STK40: variants seen among roughly 807,000 people sequenced by gnomAD.
STK40 encodes the protein serine/threonine kinase 40.
A neutral mutation model predicts 47.9 loss-of-function variants in STK40; 13 were observed. The observed-to-expected ratio is 0.27, with a 90% CI of 0.18 to 0.43. The LOEUF is 0.43. Among genes scored for constraint, STK40 ranks in the 20% least tolerant of loss-of-function variants. The probability of loss-of-function intolerance (pLI) is 1.00; values close to 1 mark genes in which losing one functional copy is unlikely to be tolerated. For missense variants in STK40, 460 were observed against 595.1 expected, an observed-to-expected ratio of 0.77 and a Z score of 2.36; for synonymous variants, 225 against 243.2, an observed-to-expected ratio of 0.93 and a Z score of 0.69.
At chr1:36,377,649 T>C (rs1228342672) in intron 1 of STK40, among the ~76,000 whole-genome samples, 1 of 151,374 alleles carries the variant, frequency 6.6e-6, no homozygotes, top group Non-Finnish European at 1.5e-5. Flanking sequence ...GTGCCCTGGA[T>C]GTGTGAGCTT....
In STK40 at chr1:36,364,637, C is replaced by CT. The variant is rs879325695; in HGVS notation, c.-8-3298dup. On this transcript the variant is annotated intron_variant, in intron 1 of 10. Coordinates refer to ENST00000373132, the MANE Select transcript of STK40 (RefSeq NM_001282547.2). ...TGTAACTGACATATAGCTTTTTCAT[C>CT]TTTTTTTTTTAATTAAAAAAATAAA... Among the ~76,000 whole-genome samples, 519 of 147,044 alleles carry CT rather than the reference C, an allele frequency of 3.5e-3. 2 individuals are homozygous for CT. Among genetic ancestry groups the CT allele is most frequent in the African/African-American group, 0.012 (464 of 40,162 alleles).
chr1:36,355,359 G>C lies in STK40; in HGVS notation c.417C>G (p.Leu139=), dbSNP rs145709842. 6 of 1,614,184 alleles carry C rather than the reference G, an allele frequency of 3.7e-6. No homozygotes were observed. The highest frequency in any genetic ancestry group is 3.3e-5 in the Admixed American group (2 of 60,026). ...CATGAGCACAGAGGCAGTCCAGGAC[G>C]AGGCAGATGCGCTTCTTCATCTTCT... ...MVKKMKKRIC[L]VLDCLCAHDF... is the part of the protein sequence containing the mutation. Residue 139 remains leucine (L), a synonymous_variant, in exon 5 of 11, where the codon CTC becomes CTG. Transcript: ENST00000373132.
At chr1:36,360,652 C>T (rs941542290) in intron 2 of STK40, among the ~76,000 whole-genome samples, 1 of 152,106 alleles carries the variant, frequency 6.6e-6, no homozygotes, top group South Asian at 2.1e-4. Flanking sequence ...CCTCCTGCCT[C>T]AGCCTCCCAA....
At chr1:36,351,529 A>G (rs996088699) in intron 6 of STK40, among the ~76,000 whole-genome samples, 3 of 152,174 alleles carry the variant, frequency 2.0e-5, no homozygotes. Context: ...TGGAGCGCCC[A>G]TGACTCAAGT....
At chr1:36,382,864 G>A (rs1647052003) in intron 1 of STK40, among the ~76,000 whole-genome samples, 1 of 152,230 alleles carries the variant, frequency 6.6e-6, no homozygotes, top group Non-Finnish European at 1.5e-5. Context: ...TTTTACAGAT[G>A]AGAAAGCTGT....
chr1:36,358,860 C>T (rs371403185), intron 2 of STK40, 38 bp from the exon 3 acceptor site: 1 of 1,613,342 alleles, frequency 6.2e-7, no homozygotes, highest in African/African-American at 1.3e-5. Context: ...TTTTCAGAAG[C>T]CCTGGCTGTC....
At chr1:36,343,567 G>T in intron 9 of STK40, 119 bp from the exon 10 acceptor site, 1 of 1,069,282 alleles carries the variant, frequency 9.4e-7, no homozygotes, top group South Asian at 1.6e-5. Context: ...GCTTCTCTGA[G>T]CCTCAGTTTT....
intron 1 of STK40, among the ~76,000 whole-genome samples, chr1:36,371,347 G>A (rs1385251560): frequency 6.6e-6 from 1 of 151,236 alleles, no homozygotes; most frequent in Admixed American, 6.6e-5. Context: ...GAGGTCAGGA[G>A]ATCGAGACCA....
intron 1 of STK40, among the ~76,000 whole-genome samples, chr1:36,374,913 T>A (rs1189243282): frequency 6.6e-6 from 1 of 152,198 alleles, no homozygotes; most frequent in Admixed American, 6.5e-5. Context: ...AACCATCAGT[T>A]GTTGCTTTGT....
intron 1 of STK40, among the ~76,000 whole-genome samples, chr1:36,369,876 G>A (rs1323765156): frequency 6.6e-6 from 1 of 152,252 alleles, no homozygotes; most frequent in African/African-American, 2.4e-5. Context: ...AAGGCACCAT[G>A]GTCCCTGCTG....
chr1:36,341,949 G>A lies in STK40; in HGVS notation c.1114C>T (p.Gln372Ter). 1 of 1,613,854 alleles carries A rather than the reference G, an allele frequency of 6.2e-7. No individual in the cohort carries two copies. Residue 372 changes from glutamine (Q) to a stop codon, truncating the protein, a stop_gained, in exon 11 of 11, where the codon CAG becomes TAG. Transcript: ENST00000373132. LOFTEE classifies it high-confidence loss of function. ...QEAKVTEECS[Q>*]YEFENYMRQQ... is the part of the protein sequence containing the mutation. ...CGCATGTAGTTCTCAAACTCGTACTGGGAGCACTCCTCCGTCACCTTCGCC... is the reference window on the plus strand; with the variant it reads ...CGCATGTAGTTCTCAAACTCGTACTAGGAGCACTCCTCCGTCACCTTCGCC...
At chr1:36,378,358 G>A (rs545786441) in intron 1 of STK40, among the ~76,000 whole-genome samples, 5 of 152,232 alleles carry the variant, frequency 3.3e-5, no homozygotes, top group South Asian at 2.1e-4. Flanking sequence ...TTTTTACCCC[G>A]CTCTGAGCCT....
chr1:36,354,224 C>CCT lies in STK40; in HGVS notation c.623+139_623+140insAG, dbSNP rs59870425. On this transcript the variant is annotated intron_variant, in intron 6 of 10. Coordinates refer to ENST00000373132, the MANE Select transcript of STK40 (RefSeq NM_001282547.2). ...CCCAATTCCCATGTTCATCCCATCC[C>CCT]GAGCCCTGGGATTCCTGGAGGAAGT... is the stretch of plus-strand genomic sequence containing the variant. The CCT allele has an allele frequency of 0.015, 13,310 of 873,302 alleles. 1,124 individuals carry two copies. The African/African-American group carries it at 0.19, about 13-fold the overall frequency. 54.1% of individuals were successfully genotyped at this position (873,302 alleles called of 1,614,324 possible).
chr1:36,364,204 T>C (rs552498014), intron 1 of STK40, among the ~76,000 whole-genome samples: 1 of 152,218 alleles, frequency 6.6e-6, no homozygotes, highest in Non-Finnish European at 1.5e-5. Context: ...TACTTATCTG[T>C]CTCCCTCTGG....
intron 10 of STK40, 131 bp from the exon 11 acceptor site, chr1:36,342,104 G>A: frequency 1.2e-6 from 1 of 864,752 alleles, no homozygotes; most frequent in Non-Finnish European, 1.8e-6. Context: ...ACACCCTCAG[G>A]CCTCAAGGCC....
At chr1:36,378,095 C>T (rs79589805) in intron 1 of STK40, among the ~76,000 whole-genome samples, 3 of 152,362 alleles carry the variant, frequency 2.0e-5, no homozygotes, top group African/African-American at 7.2e-5. Flanking sequence ...TGCAAGTCTC[C>T]TTGCCCACTA....
chr1:36,351,562 C>T (rs1646758643), intron 6 of STK40, among the ~76,000 whole-genome samples: 1 of 152,188 alleles, frequency 6.6e-6, no homozygotes, highest in Admixed American at 6.5e-5. Context: ...GAACCTCTGT[C>T]TGCCCTGAGA....
chr1:36,346,009 T>TTTTCC (rs1436531127), intron 7 of STK40, among the ~76,000 whole-genome samples: 1 of 122,030 alleles, frequency 8.2e-6, no homozygotes, highest in African/African-American at 3.8e-5. Context: ...TTTTTTTTTT[T>TTTTCC]CCTGAGACAG....
At position 36,358,396 on chromosome 1, in the gene STK40, T is replaced by C. The variant is rs377463967; in HGVS notation, c.199-14A>G. ...CAGGGTCAGGATCTTTAGGAAAGCA[T>C]AAAAATAAAACCAAAACCAGAACAC... On this transcript the variant is annotated splice_polypyrimidine_tract_variant and intron_variant, in intron 3 of 10. Transcript: ENST00000373132. 1.4e-5 allele frequency: 22 copies of C among 1,583,240 alleles called. No individual in the cohort carries two copies. The highest frequency in any genetic ancestry group is 2.2e-5 in the South Asian group (2 of 89,770).
Sources: allele counts gnomAD v4.1 joint callset (sites outside exome capture counted in the v4.1 genomes callset), GRCh38; gene constraint gnomAD v4.1.1; transcripts MANE v1.5; gene names NCBI Gene and HGNC (gene_info 2026-07-23, HGNC 2026-07-21).